KCTD19: variants seen among roughly 807,000 people sequenced by gnomAD.
The protein encoded by KCTD19 is BTB/POZ domain-containing protein KCTD19.
In KCTD19, 67 loss-of-function variants were observed where a neutral mutation model predicts 103.5. The observed-to-expected ratio is 0.65, with a 90% CI of 0.53 to 0.79. KCTD19 has a LOEUF of 0.79. Among genes scored for constraint, KCTD19 ranks in the 30% least tolerant of loss-of-function variants. The pLI, the probability that KCTD19 is intolerant of heterozygous loss-of-function variation, is 0.00. For missense variants in KCTD19, 980 were observed against 1,136.1 expected (o/e 0.86, Z 1.98); for synonymous variants, 439 against 452.2 (o/e 0.97, Z 0.37).
intron 7 of KCTD19, 139 bp downstream of exon 7, chr16:67,297,364 G>A: frequency 1.2e-6 from 1 of 861,814 alleles, no homozygotes; most frequent in Non-Finnish European, 1.8e-6. Flanking sequence ...TTTCCCTTTT[G>A]TAAAAATCCA....
intron 2 of KCTD19, among the ~76,000 whole-genome samples, chr16:67,306,976 CAAGT>C (rs1050136166): frequency 5.9e-5 from 9 of 152,072 alleles, no homozygotes; most frequent in African/African-American, 2.2e-4. Flanking sequence ...CTAAGTGCAC[CAAGT>C]AAGTGGAGAT....
intron 2 of KCTD19, among the ~76,000 whole-genome samples, chr16:67,316,819 G>C (rs2037017705): frequency 6.6e-6 from 1 of 151,974 alleles, no homozygotes; most frequent in South Asian, 2.1e-4. Flanking sequence ...CACAACTACA[G>C]GCTAGAGGTG....
At position 67,291,805 on chromosome 16, in the gene KCTD19, C is replaced by G; in HGVS notation, c.2251G>C (p.Ala751Pro). 1 of 1,612,654 alleles carries G rather than the reference C, an allele frequency of 6.2e-7. No homozygotes were observed. Among genetic ancestry groups the G allele is most frequent in the East Asian group, 2.2e-5 (1 of 44,778 alleles). ...SPAPEQPLPE[A>P]SEVDSLGVIL... is the part of the protein sequence containing the mutation. Reference sequence around the variant, plus strand: ...ACCCCTAGGCTGTCCACCTCACTGGCCTCGGGCAGAGGCTGCTCAGGGGCA... The same window carrying G: ...ACCCCTAGGCTGTCCACCTCACTGGGCTCGGGCAGAGGCTGCTCAGGGGCA... Residue 751 changes from alanine (A) to proline (P), a missense_variant, in exon 13 of 16, where the codon GCC (alanine) becomes CCC (proline). Physicochemically the swap from Ala to Pro is conservative, Grantham distance 27. Coordinates refer to ENST00000304372, the MANE Select transcript of KCTD19 (RefSeq NM_001100915.3).
At chr16:67,313,543 G>A (rs1200925745) in intron 2 of KCTD19, among the ~76,000 whole-genome samples, 1 of 152,186 alleles carries the variant, frequency 6.6e-6, no homozygotes, top group African/African-American at 2.4e-5. Flanking sequence ...TCGTCCATGG[G>A]CTGTAGTTTG....
chr16:67,304,016 T>C (rs1366025152), intron 3 of KCTD19, among the ~76,000 whole-genome samples: 2 of 152,176 alleles, frequency 1.3e-5, no homozygotes, highest in African/African-American at 4.8e-5. Context: ...GAAGCTAAAA[T>C]CCATCAATAA....
intron 2 of KCTD19, chr16:67,305,616 AG>A (rs2036883843): frequency 2.2e-6 from 1 of 455,494 alleles, no homozygotes; most frequent in African/African-American, 2.0e-5. Flanking sequence ...AAAGTCCTGC[AG>A]GGGGCAGATT....
chr16:67,312,443 A>G (rs1294337555), intron 2 of KCTD19, among the ~76,000 whole-genome samples: 2 of 152,192 alleles, frequency 1.3e-5, no homozygotes, highest in African/African-American at 4.8e-5. Flanking sequence ...CCCTATAAAC[A>G]ATATACAGTA....
intron 2 of KCTD19, among the ~76,000 whole-genome samples, chr16:67,309,188 T>C (rs751831749): frequency 1.3e-5 from 2 of 149,906 alleles, no homozygotes; most frequent in African/African-American, 4.9e-5. Flanking sequence ...GGAGGGCTGA[T>C]TCTCTGCAAA....
rs539065517 is a variant in KCTD19, at chr16:67,303,683, G to A, written c.452-346C>T. On this transcript the variant is annotated intron_variant, in intron 3 of 15. Transcript: ENST00000304372. This position sits in a 1 kb window ranked among gnomAD's most constrained non-coding sequence, Gnocchi z 4.3. Reference sequence around the variant, plus strand: ...CTGCCTCAGCCTCCCAAGTAGCTGGGACTACAGGCACGTGCCACCACACCC... The same window carrying A: ...CTGCCTCAGCCTCCCAAGTAGCTGGAACTACAGGCACGTGCCACCACACCC... Among the ~76,000 whole-genome samples, 83 of 152,208 alleles carry A rather than the reference G, an allele frequency of 5.5e-4. No homozygotes were observed. Among genetic ancestry groups the A allele is most frequent in the Admixed American group, 2.7e-3 (41 of 15,292 alleles).
At chr16:67,298,358 C>T (rs532645042) in intron 6 of KCTD19, among the ~76,000 whole-genome samples, 1 of 152,234 alleles carries the variant, frequency 6.6e-6, no homozygotes, top group African/African-American at 2.4e-5. Flanking sequence ...CAACCGGTCA[C>T]ATTTTTGGAG....
chr16:67,314,830 T>TATATATATATATAGAGAG (rs1430877802), intron 2 of KCTD19, among the ~76,000 whole-genome samples: 1 of 33,650 alleles, frequency 3.0e-5, no homozygotes, highest in African/African-American at 2.1e-4. Context: ...TATATATATA[T>TATATATATATATAGAGAG]AGAGAGAGAG....
Position 67,291,748 on chromosome 16 carries a change from C to T in KCTD19, c.2308G>A (p.Gly770Ser). Residue 770 changes from glycine (G) to serine (S), a missense_variant, in exon 13 of 16, where the codon GGC (glycine) becomes AGC (serine). Gly to Ser is a moderately conservative substitution (Grantham distance 56). Coordinates refer to ENST00000304372, the MANE Select transcript of KCTD19 (RefSeq NM_001100915.3). ...ILKVTHPPVV[G>S]SDGFCMFFED... ...AAGAACATGCAGAAGCCATCGCTGC[C>T]CACCACGGGGGGGTGAGTCACTTTG... 2 of 1,614,090 alleles carry T rather than the reference C, an allele frequency of 1.2e-6. No homozygotes were observed. The highest frequency in any genetic ancestry group is 1.7e-6 in the Non-Finnish European group (2 of 1,179,978).
intron 1 of KCTD19, among the ~76,000 whole-genome samples, chr16:67,325,170 T>TTTTC (rs965887232): frequency 6.6e-6 from 1 of 151,780 alleles, no homozygotes; most frequent in Admixed American, 6.6e-5. Context: ...TCAGTTCCTC[T>TTTTC]TTTCTTTCTT....
At position 67,305,289 on chromosome 16, in the gene KCTD19, G is replaced by A. The variant is rs1434194082; in HGVS notation, c.301-718C>T. 1.2e-4 allele frequency: 20 copies of A among 168,344 alleles called. No homozygotes were observed. The Admixed American group carries it at 1.3e-3, about 11-fold the overall frequency. The allele number at this position is 168,344 out of a possible 1,614,324, so 10.4% of individuals were successfully genotyped here. On this transcript the variant is annotated intron_variant, in intron 2 of 15. Transcript: ENST00000304372. ...AACCCTGGGTAGTGATCTAAGTGGT[G>A]AGATTGAGGTATAATAAACATGTCT...
intron 15 of KCTD19, 97 bp from the exon 16 acceptor site, chr16:67,289,779 A>G: frequency 1.2e-6 from 1 of 826,026 alleles, no homozygotes; most frequent in Non-Finnish European, 2.0e-6. Flanking sequence ...GGGACAGGGC[A>G]AGCCCGGCTG....
At chr16:67,298,952 G>T (rs2036800662) in intron 6 of KCTD19, among the ~76,000 whole-genome samples, 1 of 152,332 alleles carries the variant, frequency 6.6e-6, no homozygotes, top group African/African-American at 2.4e-5. Context: ...TTCTAAGGGG[G>T]CTCACCCCTG....
intron 2 of KCTD19, among the ~76,000 whole-genome samples, chr16:67,311,037 C>G (rs1385135776): frequency 6.6e-6 from 1 of 152,186 alleles, no homozygotes; most frequent in East Asian, 1.9e-4. Context: ...TCATCTTGAG[C>G]ATAACACTGA....
chr16:67,304,538 G>A lies in KCTD19; in HGVS notation c.334C>T (p.Leu112=), dbSNP rs1337533315. The A allele has an allele frequency of 6.2e-7, 1 of 1,614,058 alleles. No individual in the cohort carries two copies. Among genetic ancestry groups the A allele is most frequent in the East Asian group, 2.2e-5 (1 of 44,892 alleles). ...GGTAGGTCTGCAGGCCGTACGCGTAGATGGTGTTTCCCTTCCTTCAGGTTA... is the reference window on the plus strand; with the variant it reads ...GGTAGGTCTGCAGGCCGTACGCGTAAATGGTGTTTCCCTTCCTTCAGGTTA... ...LDNLKEGKHH[L]RVRPADLPVA... is the part of the protein sequence containing the mutation. The change falls in exon 3 of 16, where the codon CTA becomes TTA. Residue 112 remains leucine, a synonymous_variant. Coordinates refer to ENST00000304372, the MANE Select transcript of KCTD19 (RefSeq NM_001100915.3).
At position 67,320,169 on chromosome 16, in the gene KCTD19, G is replaced by C. The variant is rs529434846; in HGVS notation, c.300+420C>G. ...CTTAGGGAGGCTGAGGGAGCACTTA[G>C]GGAGGCCAATTAGAGAGGACGACTT... On this transcript the variant is annotated intron_variant, in intron 2 of 15. Transcript: ENST00000304372. This position sits in a 1 kb window ranked among gnomAD's most constrained non-coding sequence, Gnocchi z 4.0. 2.1e-3 allele frequency among the ~76,000 whole-genome samples: 327 copies of C among 152,240 alleles called. 1 individual carries two copies. Among genetic ancestry groups the C allele is most frequent in the African/African-American group, 7.4e-3 (307 of 41,548 alleles).
Sources: gnomAD v4.1 joint callset for allele counts (sites outside exome capture counted in the v4.1 genomes callset) on GRCh38, gnomAD v4.1.1 for gene constraint, Gnocchi (gnomAD v3.1) non-coding constraint, MANE v1.5 for transcripts, NCBI Gene and HGNC (gene_info 2026-07-23, HGNC 2026-07-21) for gene names.